The following GPM6A variants were observed in gnomAD, a reference collection of about 807,000 sequenced individuals.
GPM6A encodes the protein glycoprotein M6A, also known as neuronal membrane glycoprotein M6-a.
GPM6A carries 7 observed loss-of-function variants against 32.1 expected under a neutral mutation model. The observed-to-expected ratio is 0.22, with a 90% confidence interval of 0.12 to 0.41. GPM6A has a LOEUF of 0.41. Among genes scored for constraint, GPM6A ranks in the 10% least tolerant of loss-of-function variants. GPM6A has a pLI of 1.00. For missense variants in GPM6A, 235 were observed against 347.2 expected, an observed-to-expected ratio of 0.68 and a Z score of 2.57; for synonymous variants, 130 against 123.4, an observed-to-expected ratio of 1.05 and a Z score of -0.35.
At position 175,695,191 on chromosome 4, in the gene GPM6A, GA is replaced by G. The variant is rs554213789; in HGVS notation, c.230+6383del. Among the ~76,000 whole-genome samples, 200 of 152,328 alleles carry G rather than the reference GA, an allele frequency of 1.3e-3. 2 individuals are homozygous for G. The highest frequency in any genetic ancestry group is 2.6e-3 in the Non-Finnish European group (177 of 68,030). ...GAGCTCTCACAGAGAACCTCTACTA[GA>G]GCACTATGGAGGGGAAATGTGAGGT... On this transcript the variant is annotated intron_variant, in intron 2 of 6. Transcript: ENST00000393658.
At chr4:175,898,803 A>C (rs1369260061) in intron 1 of GPM6A, among the ~76,000 whole-genome samples, 1 of 152,212 alleles carries the variant, frequency 6.6e-6, no homozygotes, top group African/African-American at 2.4e-5. Context: ...CTTCAAAATA[A>C]ATAAATAAGA....
chr4:175,733,332 T>C (rs1446165914), intron 1 of GPM6A, among the ~76,000 whole-genome samples: 1 of 151,774 alleles, frequency 6.6e-6, no homozygotes, highest in Non-Finnish European at 1.5e-5. Flanking sequence ...TGAAATCCTG[T>C]CACTACTAAA....
At chr4:175,978,322 CACTA>C (rs1208736437) in intron 1 of GPM6A, among the ~76,000 whole-genome samples, 3 of 152,122 alleles carry the variant, frequency 2.0e-5, no homozygotes, top group Non-Finnish European at 2.9e-5. Flanking sequence ...CGTGAGAACT[CACTA>C]ACTATCATGA....
intron 1 of GPM6A, among the ~76,000 whole-genome samples, chr4:175,898,754 C>T (rs1309981517): frequency 1.3e-5 from 2 of 152,120 alleles, no homozygotes; most frequent in African/African-American, 4.8e-5. Context: ...TATTCTCTCC[C>T]TTCTGACATT....
At chr4:175,657,068 G>C (rs986229829) in intron 3 of GPM6A, among the ~76,000 whole-genome samples, 3 of 152,108 alleles carry the variant, frequency 2.0e-5, no homozygotes, top group African/African-American at 7.2e-5. Flanking sequence ...CAAGGCACAG[G>C]ATATAAAAAT....
chr4:175,887,283 G>A (rs1467075984), intron 1 of GPM6A, among the ~76,000 whole-genome samples: 1 of 151,874 alleles, frequency 6.6e-6, no homozygotes, highest in Non-Finnish European at 1.5e-5. Flanking sequence ...TGATGAAAAG[G>A]TCATTAAACA....
intron 1 of GPM6A, among the ~76,000 whole-genome samples, chr4:175,712,670 G>T (rs572031459): frequency 6.6e-6 from 1 of 152,146 alleles, no homozygotes; most frequent in South Asian, 2.1e-4. Flanking sequence ...ATTAAATCAA[G>T]ACCTGACTGT....
chr4:175,864,257 T>C (rs1296386039), intron 1 of GPM6A, among the ~76,000 whole-genome samples: 1 of 152,122 alleles, frequency 6.6e-6, no homozygotes, highest in African/African-American at 2.4e-5. Flanking sequence ...GCCTTGACCT[T>C]CTGGGCTTAG....
At chr4:175,662,313 A>G (rs932242832) in intron 3 of GPM6A, among the ~76,000 whole-genome samples, 3 of 152,120 alleles carry the variant, frequency 2.0e-5, no homozygotes, top group Admixed American at 2.0e-4. Context: ...AACCATATTT[A>G]GCTAGGCCAG....
intron 1 of GPM6A, among the ~76,000 whole-genome samples, chr4:175,834,148 A>G (rs1735694897): frequency 9.9e-6 from 1 of 100,674 alleles, no homozygotes; most frequent in Non-Finnish European, 2.6e-5. Context: ...GATTTACTCA[A>G]CTGTTTATTT....
At chr4:175,829,387 C>T (rs1267239074) in intron 1 of GPM6A, among the ~76,000 whole-genome samples, 1 of 151,954 alleles carries the variant, frequency 6.6e-6, no homozygotes, top group Non-Finnish European at 1.5e-5. Flanking sequence ...TTAAAAAATA[C>T]AACTCTCTAT....
rs376631672 is a variant in GPM6A, at chr4:175,931,377, T to A, written c.-23+70932A>T. Among the ~76,000 whole-genome samples the A allele has an allele frequency of 5.9e-5, 9 of 152,262 alleles. No individual in the cohort carries two copies. The East Asian group carries it at 1.7e-3, about 29-fold the overall frequency. ...TTTTTCTAAAACACTTTTTGACACT[T>A]TTTGCCTTGCAGTGTAGAAGTTTGG... On this transcript the variant is annotated intron_variant, in intron 1 of 7. Transcript: ENST00000280187.
intron 3 of GPM6A, among the ~76,000 whole-genome samples, chr4:175,659,804 G>A (rs1742297779): frequency 6.6e-6 from 1 of 152,110 alleles, no homozygotes; most frequent in East Asian, 1.9e-4. Flanking sequence ...ATAGTGCCTG[G>A]GACACAGTAG....
intron 1 of GPM6A, among the ~76,000 whole-genome samples, chr4:175,964,153 T>C (rs1170210517): frequency 1.3e-5 from 2 of 151,072 alleles, no homozygotes; most frequent in East Asian, 2.0e-4. Context: ...TAGAAAACAA[T>C]AGCACAGTAA....
At chr4:175,654,246 G>A (rs912341269) in intron 3 of GPM6A, 9 of 152,070 alleles carry the variant, frequency 5.9e-5, no homozygotes, top group East Asian at 3.9e-4. Context: ...TAAATATCAC[G>A]TGCATTTAGC....
intron 1 of GPM6A, among the ~76,000 whole-genome samples, chr4:175,764,207 C>T (rs1732868060): frequency 6.6e-6 from 1 of 152,230 alleles, no homozygotes; most frequent in East Asian, 1.9e-4. Flanking sequence ...AGTGACTCAT[C>T]TGCTTTATCT....
At chr4:175,694,620 C>A (rs551825522) in intron 2 of GPM6A, among the ~76,000 whole-genome samples, 23 of 151,828 alleles carry the variant, frequency 1.5e-4, no homozygotes, top group African/African-American at 5.3e-4. Context: ...ATATTCACAA[C>A]CAAAGAAAGG....
chr4:175,813,072 C>G (rs909480373), upstream of GPM6A: 3 of 984,044 alleles, frequency 3.0e-6, no homozygotes, highest in Admixed American at 6.2e-5. Flanking sequence ...CCATATGACT[C>G]TTAAGTAAAA....
At chr4:175,744,332 C>A (rs1732010067) in intron 1 of GPM6A, among the ~76,000 whole-genome samples, 1 of 152,044 alleles carries the variant, frequency 6.6e-6, no homozygotes, top group African/African-American at 2.4e-5. Flanking sequence ...GAGGGTATAG[C>A]TCCAAACTTC....
Sources: allele counts gnomAD v4.1 joint callset (sites outside exome capture counted in the v4.1 genomes callset), GRCh38; gene constraint gnomAD v4.1.1; transcripts MANE v1.5; gene names NCBI Gene and HGNC (gene_info 2026-07-23, HGNC 2026-07-21).